The following DLG2 variants were observed in gnomAD, a reference collection of about 807,000 sequenced individuals.
DLG2 encodes the protein disks large homolog 2.
A neutral mutation model predicts 132.5 loss-of-function variants in DLG2; 45 were observed. The observed-to-expected ratio is 0.34, with a 90% confidence interval of 0.27 to 0.44. The LOEUF is 0.44. DLG2 is among the 20% of genes least tolerant of loss of function. The probability of loss-of-function intolerance (pLI) is 1.00; values close to 1 mark genes in which losing one functional copy is unlikely to be tolerated. For missense variants in DLG2, 1,045 were observed against 1,196.9 expected, an observed-to-expected ratio of 0.87 and a Z score of 1.87; for synonymous variants, 424 against 419.6, an observed-to-expected ratio of 1.01 and a Z score of -0.13.
intron 3 of DLG2, among the ~76,000 whole-genome samples, chr11:85,499,173 A>T (rs962348460): frequency 3.6e-4 from 55 of 152,290 alleles, no homozygotes; most frequent in Middle Eastern, 3.4e-3. Flanking sequence ...TGGTTTTTTT[A>T]AAAGATAAAC....
intron 3 of DLG2, among the ~76,000 whole-genome samples, chr11:85,396,413 G>A (rs2087377673): frequency 6.6e-6 from 1 of 152,096 alleles, no homozygotes. Context: ...AACAAAACTG[G>A]ACAGAGAATG....
intron 18 of DLG2, among the ~76,000 whole-genome samples, chr11:83,657,360 G>A (rs2072816814): frequency 6.6e-6 from 1 of 152,034 alleles, no homozygotes; most frequent in African/African-American, 2.4e-5. Context: ...CATAGCCTAG[G>A]AGCTAAGAGA....
intron 6 of DLG2, among the ~76,000 whole-genome samples, chr11:84,977,609 A>G (rs1365676749): frequency 6.6e-6 from 1 of 152,208 alleles, no homozygotes; most frequent in Admixed American, 6.5e-5. Flanking sequence ...AAATAAATAG[A>G]AAAACCAAAC....
chr11:84,619,665 G>T (rs1593991394), intron 6 of DLG2, among the ~76,000 whole-genome samples: 1 of 151,158 alleles, frequency 6.6e-6, no homozygotes, highest in South Asian at 2.1e-4. Flanking sequence ...AAGGAAAAAA[G>T]ATACTATTCA....
chr11:83,585,532 T>C (rs965206166), intron 19 of DLG2, among the ~76,000 whole-genome samples: 2 of 152,266 alleles, frequency 1.3e-5, no homozygotes, highest in Non-Finnish European at 2.9e-5. Context: ...TATTTATTAT[T>C]GTTCATTTCA....
chr11:83,599,281 G>A (rs764828935), intron 19 of DLG2, among the ~76,000 whole-genome samples: 1 of 151,980 alleles, frequency 6.6e-6, no homozygotes, highest in Non-Finnish European at 1.5e-5. Context: ...CTTCCCTCAT[G>A]CCTAACCCCT....
intron 3 of DLG2, among the ~76,000 whole-genome samples, chr11:85,494,104 C>G (rs286524): frequency 0.89 from 134,887 of 152,156 alleles, 60,042 homozygotes; most frequent in Non-Finnish European, 0.91. Context: ...CCACTTGTGA[C>G]GGCAGAGCCT....
At chr11:83,899,897 T>C (rs914325881) in intron 15 of DLG2, among the ~76,000 whole-genome samples, 3 of 152,108 alleles carry the variant, frequency 2.0e-5, no homozygotes, top group East Asian at 1.9e-4. Context: ...CAGAAGAAGA[T>C]AGGGAAATGT....
At chr11:84,273,316 A>G in intron 7 of DLG2, 1 of 1,404,844 alleles carries the variant, frequency 7.1e-7, no homozygotes, top group East Asian at 2.8e-5. Context: ...GAAAAAAAAA[A>G]AAAAAAAAAA....
chr11:85,261,801 G>A (rs1170501110), intron 4 of DLG2, among the ~76,000 whole-genome samples: 1 of 152,110 alleles, frequency 6.6e-6, no homozygotes, highest in Non-Finnish European at 1.5e-5. Flanking sequence ...AGTGTGTGAT[G>A]AGGAGAAGGG....
At chr11:85,149,182 T>C (rs749780417) in intron 5 of DLG2, among the ~76,000 whole-genome samples, 49 of 152,220 alleles carry the variant, frequency 3.2e-4, no homozygotes, top group Non-Finnish European at 6.5e-4. Context: ...TCAGGTAGCA[T>C]GATGCCTCCA....
intron 22 of DLG2, among the ~76,000 whole-genome samples, chr11:83,473,101 T>C (rs186429186): frequency 3.3e-5 from 5 of 152,242 alleles, no homozygotes; most frequent in East Asian, 1.9e-4. Flanking sequence ...AAGGAAGCCA[T>C]TTAGTTCAAG....
intron 4 of DLG2, among the ~76,000 whole-genome samples, chr11:85,181,999 G>T (rs1595143857): frequency 6.6e-6 from 1 of 152,006 alleles, no homozygotes; most frequent in East Asian, 1.9e-4. Context: ...GTGGAAATTT[G>T]TATGGTGATG....
chr11:84,779,879 A>G (rs1342662417), intron 6 of DLG2, among the ~76,000 whole-genome samples: 1 of 141,808 alleles, frequency 7.1e-6, no homozygotes, highest in African/African-American at 2.5e-5. Context: ...CAATAACAAA[A>G]CAATCTCTCA....
At chr11:84,630,444 C>G (rs1466083443) in intron 6 of DLG2, among the ~76,000 whole-genome samples, 2 of 152,108 alleles carry the variant, frequency 1.3e-5, no homozygotes, top group Non-Finnish European at 2.9e-5. Flanking sequence ...AACTGCAAGT[C>G]CTTCATTTTC....
At position 85,520,515 on chromosome 11, in the gene DLG2, C is replaced by CCA. The variant is rs3068471; in HGVS notation, c.40+78140_40+78141dup. 8.6e-3 allele frequency among the ~76,000 whole-genome samples: 1,272 copies of CCA among 147,680 alleles called. 7 individuals are homozygous for CCA. The highest frequency in any genetic ancestry group is 9.2e-3 in the Non-Finnish European group (619 of 66,940). ...AAATAGTCCTAAAATGTATATGGAA[C>CCA]CACACACACACACACACACACACAC... On this transcript the variant is annotated intron_variant, in intron 3 of 27. Coordinates refer to ENST00000376104, the MANE Select transcript of DLG2 (RefSeq NM_001142699.3).
intron 7 of DLG2, chr11:84,273,394 T>TAA: frequency 8.0e-7 from 1 of 1,255,052 alleles, no homozygotes; most frequent in Non-Finnish European, 1.0e-6. Context: ...TCTTAAGACT[T>TAA]AAAAAAAAAG....
intron 6 of DLG2, among the ~76,000 whole-genome samples, chr11:84,767,481 C>T (rs1028393688): frequency 2.0e-5 from 3 of 152,088 alleles, no homozygotes; most frequent in Admixed American, 2.0e-4. Context: ...AAAGAAGGTG[C>T]TCATGATACA....
intron 12 of DLG2, among the ~76,000 whole-genome samples, chr11:83,966,903 TC>T (rs1565842095): frequency 6.6e-6 from 1 of 152,002 alleles, no homozygotes; most frequent in Non-Finnish European, 1.5e-5. Flanking sequence ...ATTTTCCACC[TC>T]CCCCTGTAAC....
Sources: allele counts gnomAD v4.1 joint callset (sites outside exome capture counted in the v4.1 genomes callset), GRCh38; gene constraint gnomAD v4.1.1; transcripts MANE v1.5; gene names NCBI Gene and HGNC (gene_info 2026-07-23, HGNC 2026-07-21).